SH3RF3: variants seen among roughly 807,000 people sequenced by gnomAD.
The protein encoded by SH3RF3 is SH3 domain containing ring finger 3.
A neutral mutation model predicts 66.3 loss-of-function variants in SH3RF3; 29 were observed. The observed-to-expected ratio is 0.44, with a 90% confidence interval of 0.33 to 0.60. The LOEUF (loss-of-function observed/expected upper bound fraction) is 0.60, where lower values mean the gene tolerates loss of function less well. SH3RF3 is among the 20% of genes least tolerant of loss of function. The pLI is 0.04. For missense variants in SH3RF3, 1,194 were observed against 1,190.9 expected (o/e 1.00, Z -0.04); for synonymous variants, 583 against 532.0 (o/e 1.10, Z -1.32).
intron 7 of SH3RF3, 57 bp from the exon 8 acceptor site, chr2:109,449,113 G>C (rs1677790980): frequency 2.6e-6 from 4 of 1,558,170 alleles, no homozygotes; most frequent in Non-Finnish European, 3.5e-6. Context: ...TGCCTGGCAG[G>C]CATGGCAAGT....
chr2:109,331,450 G>T (rs947423802), intron 1 of SH3RF3, among the ~76,000 whole-genome samples: 12 of 151,964 alleles, frequency 7.9e-5, no homozygotes, highest in Non-Finnish European at 5.9e-5. Flanking sequence ...ACTTCTCCCT[G>T]CCAGGAGCAC....
At chr2:109,320,172 G>A (rs1324488329) in intron 1 of SH3RF3, among the ~76,000 whole-genome samples, 1 of 152,162 alleles carries the variant, frequency 6.6e-6, no homozygotes, top group Non-Finnish European at 1.5e-5. Flanking sequence ...CAGTTCTCAT[G>A]GCCGTCACAG....
Position 109,490,678 on chromosome 2 carries a change from C to T in SH3RF3, c.2222C>T (p.Ser741Phe). ...AAGAAGAAGTCACGCTCCCCGCCAT[C>T]TGTGTCTCCAACCCACGACCCCCAG... Reference protein sequence around the residue: ...STKKKSRSPPSVSPTHDPQVA... With the variant: ...STKKKSRSPPFVSPTHDPQVA... The change falls in exon 9 of 10, where the codon TCT becomes TTT. Residue 741 changes from serine to phenylalanine, a missense_variant. Physicochemically the swap from Ser to Phe is radical, Grantham distance 155. Transcript: ENST00000309415. The T allele has an allele frequency of 2.0e-6, 3 of 1,524,186 alleles. No homozygotes were observed. The highest frequency in any genetic ancestry group is 2.6e-6 in the Non-Finnish European group (3 of 1,137,036). The allele number at this position is 1,524,186 out of a possible 1,614,324, so 94.4% of individuals were successfully genotyped here. A position where few individuals can be genotyped will look rare whatever the true frequency, so the allele number is the denominator to read the frequency against.
At chr2:109,131,519 T>A (rs996702344) in intron 1 of SH3RF3, among the ~76,000 whole-genome samples, 8 of 152,344 alleles carry the variant, frequency 5.3e-5, no homozygotes, top group African/African-American at 1.9e-4. Flanking sequence ...GAGCCCCGCT[T>A]CTAGTAAAAC....
chr2:109,226,690 G>A (rs1388307065), intron 1 of SH3RF3, among the ~76,000 whole-genome samples: 2 of 152,154 alleles, frequency 1.3e-5, no homozygotes, highest in Non-Finnish European at 2.9e-5. Flanking sequence ...TTGTGGCTCC[G>A]TTTGCTCCTA....
intron 1 of SH3RF3, among the ~76,000 whole-genome samples, chr2:109,144,977 C>T (rs77319036): frequency 2.0e-5 from 3 of 152,226 alleles, no homozygotes; most frequent in African/African-American, 7.2e-5. Flanking sequence ...CGGGCTCACA[C>T]CCGGCTCCTG....
chr2:109,384,155 G>T (rs998990842), intron 3 of SH3RF3, among the ~76,000 whole-genome samples: 1 of 152,174 alleles, frequency 6.6e-6, no homozygotes, highest in Non-Finnish European at 1.5e-5. Context: ...CTTCCAGGCC[G>T]CCTGGGGTCC....
intron 1 of SH3RF3, among the ~76,000 whole-genome samples, chr2:109,285,626 C>A (rs1169858977): frequency 1.3e-5 from 2 of 152,158 alleles, no homozygotes; most frequent in African/African-American, 2.4e-5. Flanking sequence ...CTGTGGGGAG[C>A]CTAACCTGTC....
intron 1 of SH3RF3, among the ~76,000 whole-genome samples, chr2:109,317,333 G>A (rs963826718): frequency 6.6e-6 from 1 of 152,118 alleles, no homozygotes. Flanking sequence ...GGGCGTCTGT[G>A]GGCAGGTGGG....
At chr2:109,232,683 C>G (rs1679542103) in intron 1 of SH3RF3, among the ~76,000 whole-genome samples, 1 of 152,068 alleles carries the variant, frequency 6.6e-6, no homozygotes, top group Non-Finnish European at 1.5e-5. Flanking sequence ...GTGGGATCAT[C>G]CAAAGCAAAG....
At chr2:109,299,106 A>G (rs1348103165) in intron 1 of SH3RF3, among the ~76,000 whole-genome samples, 1 of 152,084 alleles carries the variant, frequency 6.6e-6, no homozygotes, top group Non-Finnish European at 1.5e-5. Context: ...CCCCCAGGGC[A>G]TTTGCAGATG....
intron 1 of SH3RF3, chr2:109,251,369 G>T: frequency 1.6e-6 from 1 of 634,226 alleles, no homozygotes; most frequent in South Asian, 1.5e-5. Context: ...GGGAGCATGA[G>T]GGAGTCTGTG....
intron 4 of SH3RF3, among the ~76,000 whole-genome samples, chr2:109,404,843 C>T (rs770154525): frequency 9.9e-5 from 15 of 152,178 alleles, no homozygotes; most frequent in Non-Finnish European, 1.6e-4. Flanking sequence ...GTCCAGCATC[C>T]TCCTTCCTCA....
intron 9 of SH3RF3, among the ~76,000 whole-genome samples, chr2:109,500,890 C>T (rs944944901): frequency 6.6e-6 from 1 of 152,126 alleles, no homozygotes; most frequent in African/African-American, 2.4e-5. Context: ...CTCAAGGCTT[C>T]GGTGAGCTAG....
intron 1 of SH3RF3, among the ~76,000 whole-genome samples, chr2:109,196,045 C>A (rs1678491714): frequency 6.6e-6 from 1 of 152,220 alleles, no homozygotes; most frequent in South Asian, 2.1e-4. Flanking sequence ...AAGTGGGAAT[C>A]CAGGTGATGT....
intron 9 of SH3RF3, among the ~76,000 whole-genome samples, chr2:109,499,903 A>G (rs1008592299): frequency 5.3e-5 from 8 of 152,310 alleles, no homozygotes; most frequent in African/African-American, 1.4e-4. Flanking sequence ...CTCAGGTTCA[A>G]TTGGCACACA....
chr2:109,454,110 T>C (rs996007298), intron 8 of SH3RF3, among the ~76,000 whole-genome samples: 31 of 152,192 alleles, frequency 2.0e-4, no homozygotes, highest in African/African-American at 7.2e-4. Flanking sequence ...CATTACATGG[T>C]GAGATAAGAG....
chr2:109,233,490 A>G (rs571029852), intron 1 of SH3RF3, among the ~76,000 whole-genome samples: 1 of 152,196 alleles, frequency 6.6e-6, no homozygotes, highest in East Asian at 1.9e-4. Flanking sequence ...TGGGGGTTTT[A>G]TAGGTACAGG....
intron 8 of SH3RF3, among the ~76,000 whole-genome samples, chr2:109,480,727 C>T (rs1006947447): frequency 6.6e-6 from 1 of 152,084 alleles, no homozygotes; most frequent in Admixed American, 6.5e-5. Context: ...TGGCCTCATT[C>T]CCCTCCTCTC....
Sources: allele counts gnomAD v4.1 joint callset (sites outside exome capture counted in the v4.1 genomes callset), GRCh38; gene constraint gnomAD v4.1.1; transcripts MANE v1.5; gene names NCBI Gene and HGNC (gene_info 2026-07-23, HGNC 2026-07-21).